The following TTC3 variants were observed in gnomAD, a reference collection of about 807,000 sequenced individuals.
The protein encoded by TTC3 is E3 ubiquitin-protein ligase TTC3.
Under a neutral mutation model 249.6 loss-of-function variants are expected in TTC3, and 180 were observed. The ratio of observed to expected loss-of-function variants is 0.72; its 90% CI spans 0.64 to 0.82. TTC3 has a LOEUF of 0.82. Ranked by LOEUF, TTC3 falls within the 40% of genes least tolerant of loss-of-function variation. The pLI, the probability that TTC3 is intolerant of heterozygous loss-of-function variation, is 0.00. For synonymous variants in TTC3, 717 were observed against 805.0 expected (o/e 0.89, Z 1.85); for missense variants, 2,061 against 2,398.4 (o/e 0.86, Z 2.94).
intron 34 of TTC3, among the ~76,000 whole-genome samples, chr21:37,167,851 T>C (rs1196999196): frequency 6.6e-6 from 1 of 151,940 alleles, no homozygotes; most frequent in Non-Finnish European, 1.5e-5. Flanking sequence ...ACAGCGTTAT[T>C]GTTTTATTTT....
At chr21:37,074,561 C>T (rs1024821938) in intron 1 of TTC3, among the ~76,000 whole-genome samples, 2 of 152,118 alleles carry the variant, frequency 1.3e-5, no homozygotes, top group Non-Finnish European at 2.9e-5. Context: ...TCCATTTTGC[C>T]CAAGATCCTG....
chr21:37,170,473 TC>T (rs1272093551), intron 34 of TTC3, among the ~76,000 whole-genome samples: 1 of 152,202 alleles, frequency 6.6e-6, no homozygotes, highest in Non-Finnish European at 1.5e-5. Flanking sequence ...CGATCTGCAC[TC>T]ATATATGTAT....
chr21:37,126,575 T>C lies in TTC3; in HGVS notation c.1297+432T>C, dbSNP rs553152833. Among the ~76,000 whole-genome samples the C allele has an allele frequency of 3.6e-4, 55 of 152,344 alleles. 1 individual carries two copies. Among genetic ancestry groups the C allele is most frequent in the African/African-American group, 1.3e-3 (55 of 41,576 alleles). The stretch of plus-strand genomic sequence containing the variant: ...TCTGCGCTTTATGTATAAAAGGAAT[T>C]GATTTTGTCTCCCAATAACTAATTT... On this transcript the variant is annotated intron_variant, in intron 15 of 45. Transcript: ENST00000355666.
intron 28 of TTC3, among the ~76,000 whole-genome samples, chr21:37,158,767 T>A (rs2080372165): frequency 6.6e-6 from 1 of 152,180 alleles, no homozygotes; most frequent in Admixed American, 6.5e-5. Context: ...AACTCTGTAA[T>A]TAGTCTCAAT....
At chr21:37,087,973 TA>T in intron 3 of TTC3, 98 bp downstream of exon 3, 1 of 1,023,000 alleles carries the variant, frequency 9.8e-7, no homozygotes, top group East Asian at 2.5e-5. Flanking sequence ...ATATGCCTTT[TA>T]AAAATGTATT....
intron 18 of TTC3, among the ~76,000 whole-genome samples, chr21:37,136,577 G>A (rs2077960202): frequency 6.6e-6 from 1 of 152,198 alleles, no homozygotes; most frequent in African/African-American, 2.4e-5. Flanking sequence ...TGAGGAAGCT[G>A]CAGAAGAATA....
chr21:37,080,646 T>G (rs1477805055), intron 1 of TTC3, among the ~76,000 whole-genome samples: 1 of 152,204 alleles, frequency 6.6e-6, no homozygotes, highest in Non-Finnish European at 1.5e-5. Context: ...AGACTTTTAT[T>G]AGCTACATGC....
chr21:37,200,279 A>C, exon 45 of TTC3: 1 of 1,614,232 alleles, frequency 6.2e-7, no homozygotes, highest in South Asian at 1.1e-5. Flanking sequence ...TGTTCAAATC[A>C]AAAAACGTGC....
rs556144109 is a variant in TTC3, at chr21:37,181,415, G to T, written c.4618-1359G>T. On this transcript the variant is annotated intron_variant, in intron 35 of 45. Coordinates refer to ENST00000355666, the Ensembl canonical transcript of TTC3. ...AGATTGGCTTGGCTGCCAGCAGCAAGGCATACAAATTCACATTGGTCCTGG... is the reference window on the plus strand; with the variant it reads ...AGATTGGCTTGGCTGCCAGCAGCAATGCATACAAATTCACATTGGTCCTGG... Among the ~76,000 whole-genome samples the T allele has an allele frequency of 4.6e-5, 7 of 152,326 alleles. No homozygotes were observed. The South Asian group carries it at 1.4e-3, about 32-fold the overall frequency.
rs1008727161 is a variant in TTC3 at position 37,124,521 on chromosome 21, C to T, written c.1110-98C>T. ...GGAAATCTTTTTAAAACAATAATAC[C>T]TTGCTTTCAAGGAAAAAAGGCTGTG... is the stretch of plus-strand genomic sequence containing the variant. On this transcript the variant is annotated intron_variant, in intron 13 of 45. Transcript: ENST00000355666. 6.1e-6 allele frequency: 8 copies of T among 1,311,190 alleles called. No homozygotes were observed. The African/African-American group carries it at 9.0e-5, about 15-fold the overall frequency. 81.2% of individuals were successfully genotyped at this position (1,311,190 alleles called of 1,614,324 possible). A position where few individuals can be genotyped will look rare whatever the true frequency, so the allele number is the denominator to read the frequency against.
chr21:37,166,346 G>A lies in TTC3; in HGVS notation c.4132G>A (p.Asp1378Asn), dbSNP rs1412791061. ...GTCTTTTGTAGCCAATGACAGAGCA[G>A]ATAAAAATGCTGCTGCCTATTTTGA... The change falls in exon 33 of 46, where the codon GAT becomes AAT. Residue 1378 changes from aspartate to asparagine, a missense_variant. Physicochemically the swap from Asp to Asn is conservative, Grantham distance 23. Transcript: ENST00000355666. The A allele has an allele frequency of 1.9e-6, 3 of 1,614,064 alleles. No homozygotes were observed. The South Asian group carries it at 3.3e-5, about 18-fold the overall frequency.
chr21:37,099,052 A>ATG (rs1230944799), intron 10 of TTC3: 1 of 152,244 alleles, frequency 6.6e-6, no homozygotes, highest in Non-Finnish European at 1.5e-5. Flanking sequence ...AAGAATTGAG[A>ATG]TGTCCAAAGA....
intron 34 of TTC3, among the ~76,000 whole-genome samples, chr21:37,168,706 T>C (rs1370277240): frequency 7.0e-6 from 1 of 143,162 alleles, no homozygotes; most frequent in Non-Finnish European, 1.5e-5. Flanking sequence ...TGTATATTGC[T>C]GTATATATAA....
chr21:37,166,610 A>T (rs1340583671), exon 33 of TTC3: 2 of 1,609,302 alleles, frequency 1.2e-6, no homozygotes, highest in Non-Finnish European at 1.7e-6. Context: ...GATGGTTGCC[A>T]TACAGGTAAG....
chr21:37,165,904 A>C lies in TTC3; in HGVS notation c.3690A>C (p.Pro1230=), dbSNP rs776081239. 9.3e-6 allele frequency: 15 copies of C among 1,614,264 alleles called. No homozygotes were observed. In the Admixed American group the frequency reaches 2.5e-4, roughly 27 times the overall value. The change falls in exon 33 of 46, where the codon CCA becomes CCC. Residue 1230 remains proline, a synonymous_variant. Coordinates refer to ENST00000355666, the Ensembl canonical transcript of TTC3. ...CAGTGTCAGATTCATCTTCAGCACCAGCTTTTGAAAATGTGAAACCCAAAC... is the reference window on the plus strand; with the variant it reads ...CAGTGTCAGATTCATCTTCAGCACCCGCTTTTGAAAATGTGAAACCCAAAC...
At chr21:37,083,088 G>A (rs1044449608) in intron 1 of TTC3, 3 of 985,462 alleles carry the variant, frequency 3.0e-6, no homozygotes, top group Non-Finnish European at 3.6e-6. Flanking sequence ...CATGGGCAGG[G>A]TGCTCTTGTT....
intron 10 of TTC3, among the ~76,000 whole-genome samples, chr21:37,105,293 T>C (rs2074968501): frequency 6.6e-6 from 1 of 152,074 alleles, no homozygotes; most frequent in South Asian, 2.1e-4. Flanking sequence ...AGACCCAGGG[T>C]GAGTCTCTTT....
intron 34 of TTC3, among the ~76,000 whole-genome samples, chr21:37,168,909 A>G (rs2081480105): frequency 1.3e-5 from 2 of 152,180 alleles, no homozygotes; most frequent in Non-Finnish European, 2.9e-5. Flanking sequence ...TCTACTTCCA[A>G]GATAGCTCAC....
rs1240108998 is a variant in TTC3, at chr21:37,121,804, C to G, written c.901-13C>G. ...ATTTTTGAGAAAAAATTAAATTTAT[C>G]TTTTTGGAACAGGGTCATTATCGTT... On this transcript the variant is annotated splice_polypyrimidine_tract_variant and intron_variant, in intron 11 of 45. Coordinates refer to ENST00000355666, the Ensembl canonical transcript of TTC3. 2.6e-6 allele frequency: 4 copies of G among 1,531,468 alleles called. No individual in the cohort carries two copies. The highest frequency in any genetic ancestry group is 3.5e-6 in the Non-Finnish European group (4 of 1,143,890). The allele number at this position is 1,531,468 out of a possible 1,614,324, so 94.9% of individuals were successfully genotyped here.
Sources: allele counts gnomAD v4.1 joint callset (sites outside exome capture counted in the v4.1 genomes callset), GRCh38; gene constraint gnomAD v4.1.1; transcripts MANE v1.5; gene names NCBI Gene and HGNC (gene_info 2026-07-23, HGNC 2026-07-21).